Variants in CEP63 observed in about 807,000 individuals in gnomAD.
CEP63 encodes the protein centrosomal protein of 63 kDa.
CEP63 carries 84 observed loss-of-function variants against 89.1 expected under a neutral mutation model. The observed-to-expected ratio is 0.94, with a 90% CI of 0.79 to 1.13. The LOEUF is 1.13. CEP63 is among the 50% of genes most tolerant of loss of function. The pLI, the probability that CEP63 is intolerant of heterozygous loss-of-function variation, is 0.00. For synonymous variants in CEP63, 267 were observed against 272.5 expected (o/e 0.98, Z 0.20); for missense variants, 838 against 813.3 (o/e 1.03, Z -0.37).
chr3:134,591,891 AAAAAT>A (rs10630392), downstream of CEP63, among the ~76,000 whole-genome samples: 2 of 150,828 alleles, frequency 1.3e-5, no homozygotes, highest in African/African-American at 4.9e-5. Context: ...TGTCCCCCCA[AAAAAT>A]AAAATAAAAT....
intron 3 of CEP63, among the ~76,000 whole-genome samples, chr3:134,514,943 T>A (rs1321963562): frequency 6.6e-6 from 1 of 152,196 alleles, no homozygotes; most frequent in Non-Finnish European, 1.5e-5. Flanking sequence ...GGACTCGAAC[T>A]CCTGGGCTTA....
chr3:134,728,034 G>A, the CEP63 span, among the ~76,000 whole-genome samples: 1 of 152,102 alleles, frequency 6.6e-6, no homozygotes. Context: ...GAAGGCCCTA[G>A]TAGATAGATG....
intron 6 of CEP63, among the ~76,000 whole-genome samples, chr3:134,540,621 A>G (rs1445477248): frequency 1.3e-5 from 2 of 151,966 alleles, no homozygotes; most frequent in African/African-American, 2.4e-5. Flanking sequence ...GTCTTTGCCA[A>G]TCTTATAGGT....
intron 2 of CEP63, among the ~76,000 whole-genome samples, chr3:134,500,650 A>T (rs747302316): frequency 6.6e-6 from 1 of 152,136 alleles, no homozygotes; most frequent in Non-Finnish European, 1.5e-5. Flanking sequence ...ATGAGGTGGT[A>T]TCTCATTTTG....
chr3:134,618,231 G>T, the CEP63 span, among the ~76,000 whole-genome samples: 1 of 152,150 alleles, frequency 6.6e-6, no homozygotes, highest in African/African-American at 2.4e-5. Context: ...GGAATAGGTT[G>T]CATGCACCCA....
intron 2 of CEP63, among the ~76,000 whole-genome samples, chr3:134,505,908 T>C (rs1943325175): frequency 6.6e-6 from 1 of 152,204 alleles, no homozygotes; most frequent in Non-Finnish European, 1.5e-5. Flanking sequence ...GACCATATTG[T>C]GCTTTGGGTA....
the CEP63 span, chr3:134,607,390 G>T: frequency 1.0e-6 from 1 of 985,604 alleles, no homozygotes; most frequent in African/African-American, 1.7e-5. Context: ...CTGCAATGTG[G>T]GTTGGAGCTC....
intron 7 of CEP63, 44 bp downstream of exon 7, chr3:134,545,863 G>A (rs757195796): frequency 4.3e-6 from 6 of 1,400,662 alleles, no homozygotes; most frequent in South Asian, 1.2e-5. Context: ...GTGTGTATGA[G>A]TATTTTAAGA....
rs1039159424 is a variant in CEP63 at position 134,504,479 on chromosome 3, C to T, written c.45-2630C>T. Among the ~76,000 whole-genome samples the T allele has an allele frequency of 6.6e-5, 10 of 152,284 alleles. No homozygotes were observed. In the South Asian group the frequency reaches 1.9e-3, roughly 28 times the overall value. ...TCTGCTGTTAGTCTGATGGCAATAT[C>T]CTTATATGTGAGGAACTCACAGAAC... On this transcript the variant is annotated intron_variant, in intron 2 of 14. Transcript: ENST00000675561.
At chr3:134,618,557 G>A in the CEP63 span, among the ~76,000 whole-genome samples, 1 of 133,830 alleles carries the variant, frequency 7.5e-6, no homozygotes, top group East Asian at 2.2e-4. Flanking sequence ...TCTTGAGCCT[G>A]TTTTGAGTCA....
intron 3 of CEP63, among the ~76,000 whole-genome samples, chr3:134,513,132 A>G (rs780350735): frequency 6.6e-6 from 1 of 152,144 alleles, no homozygotes; most frequent in Non-Finnish European, 1.5e-5. Context: ...GCTTTCAAGG[A>G]TAGGTGTATA....
the CEP63 span, chr3:134,627,795 T>G: frequency 2.5e-6 from 4 of 1,613,892 alleles, 1 homozygote; most frequent in South Asian, 4.4e-5. Context: ...GGTCTTGTGT[T>G]TCCATTTTTA....
At chr3:134,772,086 C>T in the CEP63 span, among the ~76,000 whole-genome samples, 1 of 152,194 alleles carries the variant, frequency 6.6e-6, no homozygotes, top group African/African-American at 2.4e-5. Context: ...TCCTGCTGCC[C>T]AGAGTGGGTG....
chr3:134,707,651 G>A, the CEP63 span, among the ~76,000 whole-genome samples: 1 of 152,016 alleles, frequency 6.6e-6, no homozygotes, highest in Non-Finnish European at 1.5e-5. Context: ...TTGTACAACG[G>A]TGATGTTGAA....
intron 3 of CEP63, chr3:134,510,816 C>T: frequency 6.0e-6 from 2 of 331,998 alleles, no homozygotes; most frequent in South Asian, 6.1e-5. Context: ...GCCAGCAAAG[C>T]ACCTGGGGTA....
the CEP63 span, among the ~76,000 whole-genome samples, chr3:134,636,541 T>C: frequency 6.6e-6 from 1 of 152,318 alleles, no homozygotes; most frequent in South Asian, 2.1e-4. Flanking sequence ...GAGCACAGCA[T>C]AGCCTCTCAG....
chr3:134,559,318 C>G lies in CEP63; in HGVS notation c.1842C>G (p.Ser614=), dbSNP rs1251391657. The change falls in exon 14 of 15, where the codon TCC becomes TCG. Residue 614 remains serine, a synonymous_variant. Coordinates refer to ENST00000675561, the MANE Select transcript of CEP63 (RefSeq NM_001353108.3). The part of the protein sequence containing the change: ...SPCSSTRSLT[S]YSLCKTHSLP... ...GCAGCTCCACCAGGTCTTTGACTTC[C>G]TACTCTCTATGTAAAACTCATTCTT... The G allele has an allele frequency of 1.9e-6, 3 of 1,614,024 alleles. No homozygotes were observed. The highest frequency in any genetic ancestry group is 1.7e-6 in the Non-Finnish European group (2 of 1,180,030).
chr3:134,500,638 GTA>G (rs1941700032), intron 2 of CEP63, among the ~76,000 whole-genome samples: 1 of 152,088 alleles, frequency 6.6e-6, no homozygotes, highest in South Asian at 2.1e-4. Context: ...ATTCTGACTG[GTA>G]TGAGGTGGTA....
At chr3:134,606,587 C>A in the CEP63 span, among the ~76,000 whole-genome samples, 1 of 152,152 alleles carries the variant, frequency 6.6e-6, no homozygotes, top group African/African-American at 2.4e-5. Flanking sequence ...TGCTGTAATT[C>A]ATCATGTGAT....
Sources: gnomAD v4.1 joint callset for allele counts (sites outside exome capture counted in the v4.1 genomes callset) on GRCh38, gnomAD v4.1.1 for gene constraint, MANE v1.5 for transcripts, NCBI Gene and HGNC (gene_info 2026-07-23, HGNC 2026-07-21) for gene names.